PTGER3: variants seen among roughly 807,000 people sequenced by gnomAD.
The protein encoded by PTGER3 is prostaglandin E2 receptor EP3 subtype.
In PTGER3, 22 loss-of-function variants were observed where a neutral mutation model predicts 34.7. The ratio of observed to expected loss-of-function variants is 0.63; its 90% CI spans 0.45 to 0.91. The LOEUF is 0.91. PTGER3 is among the 40% of genes least tolerant of loss of function. PTGER3 has a pLI of 0.00. For missense variants in PTGER3, 468 were observed against 519.4 expected (o/e 0.90, Z 0.96); for synonymous variants, 241 against 230.1 (o/e 1.05, Z -0.43).
At position 70,911,353 on chromosome 1, in the gene PTGER3, C is replaced by A. The variant is rs34170100; in HGVS notation, c.*23+42410G>T. ...TACAGTGACATTTTTGTTTTCCAAT[C>A]CAAAAACTGGAGCACATGTTTTGAT... On this transcript the variant is annotated intron_variant, in intron 4 of 4. Transcript: ENST00000370931. Among the ~76,000 whole-genome samples, 229 of 151,878 alleles carry A rather than the reference C, an allele frequency of 1.5e-3. 5 individuals are homozygous for A. In the East Asian group the frequency reaches 0.042, roughly 28 times the overall value.
downstream of PTGER3, among the ~76,000 whole-genome samples, chr1:70,966,921 T>G (rs1043998460): frequency 2.0e-5 from 3 of 152,172 alleles, no homozygotes; most frequent in South Asian, 6.2e-4. Flanking sequence ...CATGTTCATG[T>G]GTCTTTATAG....
chr1:70,881,988 C>T (rs565462238), intron 4 of PTGER3, among the ~76,000 whole-genome samples: 1 of 151,460 alleles, frequency 6.6e-6, no homozygotes, highest in African/African-American at 2.4e-5. Flanking sequence ...TCCAGGGCAA[C>T]AGGAAGCTGC....
At chr1:71,046,272 C>A (rs1304791013) in intron 1 of PTGER3, among the ~76,000 whole-genome samples, 1 of 111,418 alleles carries the variant, frequency 9.0e-6, no homozygotes, top group African/African-American at 3.7e-5. Flanking sequence ...GGTGACAGAG[C>A]GAGACTCCGT....
intron 2 of PTGER3, chr1:71,008,758 A>G (rs1657188744): frequency 1.0e-6 from 1 of 966,012 alleles, no homozygotes; most frequent in Non-Finnish European, 1.2e-6. Context: ...AAAACAAGCA[A>G]TAAACAAGCA....
Position 71,047,334 on chromosome 1 carries a change from T to A in PTGER3, c.244A>T (p.Ser82Cys), listed in dbSNP as rs769768294. The stretch of plus-strand genomic sequence containing the variant: ...AGCAGGAAGGACTTCTTGCGCTTGC[T>A]CTCCCGGCGCCGGTAGCTGCGCGAC... ...LVSRSYRRRE[S>C]KRKKSFLLCI... Residue 82 changes from serine (S) to cysteine (C), a missense_variant, in exon 1 of 4, where the codon AGC becomes TGC. Coordinates refer to ENST00000306666, the MANE Select transcript of PTGER3 (RefSeq NM_198719.2). The A allele has an allele frequency of 3.1e-6, 5 of 1,607,386 alleles. No homozygotes were observed. The South Asian group carries it at 5.6e-5, about 18-fold the overall frequency.
At chr1:70,965,785 T>C (rs114099432), downstream of PTGER3, among the ~76,000 whole-genome samples, 1,762 of 152,272 alleles carry the variant, frequency 0.012, 31 homozygotes, top group African/African-American at 0.041. Flanking sequence ...TCCTGTATTT[T>C]TCATTGTTCT....
At chr1:71,004,870 CA>C (rs760747645) in intron 2 of PTGER3, among the ~76,000 whole-genome samples, 5 of 152,206 alleles carry the variant, frequency 3.3e-5, no homozygotes, top group Non-Finnish European at 7.3e-5. Flanking sequence ...CAGTCAGACA[CA>C]AACTGGCATT....
intron 2 of PTGER3, among the ~76,000 whole-genome samples, chr1:71,004,812 C>T (rs1334874845): frequency 6.6e-6 from 1 of 152,218 alleles, no homozygotes; most frequent in East Asian, 1.9e-4. Context: ...CTGATCAGGG[C>T]CTGTGGTGAT....
intron 4 of PTGER3, among the ~76,000 whole-genome samples, chr1:70,894,240 C>T (rs1378389648): frequency 2.4e-5 from 3 of 126,784 alleles, no homozygotes; most frequent in African/African-American, 5.9e-5. Context: ...ACCTGGTGGG[C>T]GGAGGTTGCA....
exon 5 of PTGER3, chr1:70,852,620 A>G (rs1645705800): frequency 1.7e-6 from 1 of 602,942 alleles, no homozygotes; most frequent in Non-Finnish European, 2.9e-6. Context: ...ACAATAGGAC[A>G]TAAGTTTAAT....
At chr1:71,014,180 C>T (rs548117896) in intron 1 of PTGER3, among the ~76,000 whole-genome samples, 1 of 152,118 alleles carries the variant, frequency 6.6e-6, no homozygotes, top group East Asian at 1.9e-4. Context: ...TAATCTCTCT[C>T]TCTTGAGGCT....
intron 4 of PTGER3, among the ~76,000 whole-genome samples, chr1:70,878,456 C>T (rs1399647147): frequency 2.6e-5 from 4 of 151,796 alleles, no homozygotes. Context: ...TTTTATTTTG[C>T]ATCTCAATTT....
chr1:70,977,922 A>T (rs1653868463), intron 2 of PTGER3, among the ~76,000 whole-genome samples: 1 of 152,128 alleles, frequency 6.6e-6, no homozygotes, highest in African/African-American at 2.4e-5. Context: ...CCTCCTAAAC[A>T]ACTGACCAGA....
intron 1 of PTGER3, among the ~76,000 whole-genome samples, chr1:71,027,084 A>T (rs1030211911): frequency 6.6e-6 from 1 of 152,194 alleles, no homozygotes; most frequent in African/African-American, 2.4e-5. Context: ...TAAACAAGTA[A>T]TAATAAAACA....
At position 71,047,457 on chromosome 1, in the gene PTGER3, G is replaced by A. The variant is rs1328620495; in HGVS notation, c.121C>T (p.Pro41Ser). Residue 41 changes from proline (P) to serine (S), a missense_variant, in exon 1 of 4, where the codon CCA becomes TCA. By Grantham distance (74) the Pro-to-Ser change is moderately conservative. Transcript: ENST00000306666. ...AEARGNLTRP[P>S]GSGEDCGSVS... ...GATCCGCAATCCTCGCCAGACCCTG[G>A]AGGGCGCGTGAGGTTGCCCCGCGCC... 5 of 1,610,068 alleles carry A rather than the reference G, an allele frequency of 3.1e-6. No individual in the cohort carries two copies. The highest frequency in any genetic ancestry group is 4.2e-6 in the Non-Finnish European group (5 of 1,179,192).
At chr1:71,025,640 C>A (rs542990333) in intron 1 of PTGER3, among the ~76,000 whole-genome samples, 2 of 152,226 alleles carry the variant, frequency 1.3e-5, no homozygotes, top group Admixed American at 6.5e-5. Context: ...CGAATAATAA[C>A]AAAACAGCAA....
At chr1:71,002,257 A>G (rs754671368) in intron 2 of PTGER3, 3 of 152,118 alleles carry the variant, frequency 2.0e-5, no homozygotes, top group Non-Finnish European at 2.9e-5. Flanking sequence ...GTAAGACCCT[A>G]TCTCTTAAAA....
At chr1:70,912,472 T>C (rs1404307774) in intron 4 of PTGER3, among the ~76,000 whole-genome samples, 1 of 152,076 alleles carries the variant, frequency 6.6e-6, no homozygotes. Context: ...ATTAAAGAGT[T>C]TGTTTTTCAT....
chr1:70,936,830 T>C (rs1315467958), intron 4 of PTGER3, among the ~76,000 whole-genome samples: 2 of 152,198 alleles, frequency 1.3e-5, no homozygotes, highest in Non-Finnish European at 2.9e-5. Flanking sequence ...GCATAATGCT[T>C]AAAATTTCAT....
Sources: gnomAD v4.1 joint callset for allele counts (sites outside exome capture counted in the v4.1 genomes callset) on GRCh38, gnomAD v4.1.1 for gene constraint, MANE v1.5 for transcripts, NCBI Gene and HGNC (gene_info 2026-07-23, HGNC 2026-07-21) for gene names.